DZIP1: variants seen among roughly 807,000 people sequenced by gnomAD.
The protein encoded by DZIP1 is DAZ interacting zinc finger protein 1.
Under a neutral mutation model 107.6 loss-of-function variants are expected in DZIP1, and 97 were observed. The ratio of observed to expected loss-of-function variants is 0.90; its 90% CI spans 0.77 to 1.07. The LOEUF (loss-of-function observed/expected upper bound fraction) is 1.07. Ranked by LOEUF, DZIP1 falls within the 50% of genes least tolerant of loss-of-function variation. The probability of loss-of-function intolerance (pLI) is 0.00; values close to 1 mark genes in which losing one functional copy is unlikely to be tolerated. For synonymous variants in DZIP1, 390 were observed against 386.4 expected (o/e 1.01, Z -0.11); for missense variants, 1,035 against 1,063.6 (o/e 0.97, Z 0.37).
At chr13:95,584,473 T>C in intron 22 of DZIP1, 1 of 607,136 alleles carries the variant, frequency 1.6e-6, no homozygotes, top group Non-Finnish European at 2.1e-6. Flanking sequence ...ATAACACCGT[T>C]TCAAAAACAA....
At chr13:95,592,730 A>C (rs1011458226) in intron 16 of DZIP1, among the ~76,000 whole-genome samples, 1 of 152,260 alleles carries the variant, frequency 6.6e-6, no homozygotes, top group African/African-American at 2.4e-5. Flanking sequence ...ACAAATGTCC[A>C]TCAGCAGGGA....
At chr13:95,609,430 A>T (rs1342795802) in intron 13 of DZIP1, 27 bp downstream of exon 13, 1 of 1,455,234 alleles carries the variant, frequency 6.9e-7, no homozygotes, top group African/African-American at 1.4e-5. Context: ...ATACCTTTGG[A>T]GCCCTGCATC....
intron 10 of DZIP1, among the ~76,000 whole-genome samples, chr13:95,614,036 G>A (rs1436976713): frequency 4.0e-5 from 6 of 151,258 alleles, no homozygotes; most frequent in African/African-American, 1.5e-4. Context: ...TGAGGTGGGA[G>A]GGTTGCTTGA....
chr13:95,582,071 T>C lies in DZIP1; in HGVS notation c.*163A>G. On this transcript the variant is annotated 3_prime_UTR_variant, in exon 23 of 23. Transcript: ENST00000376829. ...CTGTTGATGATCTGATTTTCAATACTGTATTGGGTGCCATTAAAGAGACCA... is the reference window on the plus strand; with the variant it reads ...CTGTTGATGATCTGATTTTCAATACCGTATTGGGTGCCATTAAAGAGACCA... 3.3e-6 allele frequency: 2 copies of C among 608,962 alleles called. No homozygotes were observed. Among genetic ancestry groups the C allele is most frequent in the Non-Finnish European group, 5.8e-6 (2 of 344,230 alleles). 37.7% of individuals were successfully genotyped at this position (608,962 alleles called of 1,614,324 possible).
chr13:95,588,833 C>G (rs145492981), intron 19 of DZIP1, among the ~76,000 whole-genome samples: 8 of 152,224 alleles, frequency 5.3e-5, no homozygotes, highest in African/African-American at 1.9e-4. Flanking sequence ...TGAGCCTAGC[C>G]ATAAAAACTC....
At chr13:95,610,111 T>TGTGTGTGA (rs368276400) in intron 12 of DZIP1, among the ~76,000 whole-genome samples, 1,889 of 126,398 alleles carry the variant, frequency 0.015, 49 homozygotes, top group Middle Eastern at 0.025. Flanking sequence ...TGTGTGTGTG[T>TGTGTGTGA]GAGAGAGAGA....
rs1391946118 is a variant in DZIP1 at position 95,641,388 on chromosome 13, C to T, written c.504G>A (p.Gly168=). ...QSKKLLTKQA[G]EIKTLKEECK... The stretch of plus-strand genomic sequence containing the variant: ...ACTCTTCCTTGAGCGTCTTGATCTC[C>T]CCCGCCTGCTTGGTGAGCAGCTTCT... The change falls in exon 5 of 23, where the codon GGG becomes GGA. Residue 168 remains glycine (G), a synonymous_variant. Transcript: ENST00000376829. This position sits in a 1 kb window ranked among gnomAD's most constrained non-coding sequence, Gnocchi z 4.3. 1 of 1,614,008 alleles carries T rather than the reference C, an allele frequency of 6.2e-7. No individual in the cohort carries two copies. Among genetic ancestry groups the T allele is most frequent in the Non-Finnish European group, 8.5e-7 (1 of 1,180,006 alleles).
intron 6 of DZIP1, 133 bp downstream of exon 6, chr13:95,633,101 A>G (rs1209259693): frequency 7.3e-6 from 6 of 817,358 alleles, no homozygotes; most frequent in South Asian, 1.8e-5. Context: ...AGGGCTCCAT[A>G]TTTACTTACT....
chr13:95,579,136 C>T lies in DZIP1; in HGVS notation c.*3098G>A, dbSNP rs1199827991. ...GGAAAAATTCAAAAAATTGCAACCT[C>T]AGGCATAAATGGGTTAAGGACATCC... On this transcript the variant is annotated 3_prime_UTR_variant, in exon 23 of 23. Transcript: ENST00000376829. The T allele has an allele frequency of 6.6e-6, 1 of 152,206 alleles. No homozygotes were observed. The highest frequency in any genetic ancestry group is 1.9e-4 in the East Asian group (1 of 5,200). The allele number at this position is 152,206 out of a possible 1,614,324, so 9.4% of individuals were successfully genotyped here.
intron 5 of DZIP1, among the ~76,000 whole-genome samples, chr13:95,638,886 C>T (rs2139462123): frequency 6.6e-6 from 1 of 152,128 alleles, no homozygotes; most frequent in East Asian, 1.9e-4. Flanking sequence ...GCGGTGGACC[C>T]AATCATTGTG....
intron 5 of DZIP1, among the ~76,000 whole-genome samples, chr13:95,637,541 C>G (rs1877946923): frequency 2.0e-5 from 3 of 151,794 alleles, no homozygotes; most frequent in Admixed American, 2.0e-4. Context: ...GAGTTTAAGG[C>G]CAGCCTGGGC....
chr13:95,609,212 T>C (rs2044896694), intron 13 of DZIP1, among the ~76,000 whole-genome samples: 1 of 152,212 alleles, frequency 6.6e-6, no homozygotes, highest in Non-Finnish European at 1.5e-5. Flanking sequence ...TTTTTAGTCA[T>C]CCCTTTTTAG....
In DZIP1 at chr13:95,642,056, G is replaced by T. The variant is rs1298459381; in HGVS notation, c.-27C>A. On this transcript the variant is annotated 5_prime_UTR_variant, in exon 4 of 23. It adds an upstream start codon to the 5' untranslated region. Transcript: ENST00000376829. ...GGAGGAGCCGGGCGGTCTTTACCCAGCCTGGGCCGCCTCCCGGGCCGCCGC... is the reference window on the plus strand; with the variant it reads ...GGAGGAGCCGGGCGGTCTTTACCCATCCTGGGCCGCCTCCCGGGCCGCCGC... 6.6e-6 allele frequency: 10 copies of T among 1,521,824 alleles called. No homozygotes were observed. The highest frequency in any genetic ancestry group is 8.7e-6 in the Non-Finnish European group (10 of 1,144,468). 94.3% of individuals were successfully genotyped at this position (1,521,824 alleles called of 1,614,324 possible).
intron 14 of DZIP1, among the ~76,000 whole-genome samples, chr13:95,601,224 C>T (rs964478391): frequency 6.6e-6 from 1 of 152,086 alleles, no homozygotes; most frequent in Non-Finnish European, 1.5e-5. Context: ...ATAACAAGGG[C>T]TGGGGAAGTG....
At chr13:95,607,424 T>C (rs2044817433) in intron 13 of DZIP1, among the ~76,000 whole-genome samples, 1 of 139,532 alleles carries the variant, frequency 7.2e-6, no homozygotes, top group South Asian at 2.3e-4. Flanking sequence ...TATTTGTAAA[T>C]TGCTAACAAA....
intron 6 of DZIP1, chr13:95,630,725 C>T: frequency 7.9e-7 from 1 of 1,268,446 alleles, no homozygotes; most frequent in South Asian, 1.3e-5. Context: ...TGCAGATGTA[C>T]ACATGACTGA....
intron 1 of DZIP1, among the ~76,000 whole-genome samples, chr13:95,644,011 C>A (rs1178871153): frequency 6.6e-6 from 1 of 152,158 alleles, no homozygotes; most frequent in Non-Finnish European, 1.5e-5. Flanking sequence ...CCACCCCTTT[C>A]CCCTTGCGTG....
At chr13:95,620,052 C>G in intron 9 of DZIP1, 105 bp from the exon 10 acceptor site, 1 of 1,260,510 alleles carries the variant, frequency 7.9e-7, no homozygotes, top group Non-Finnish European at 1.1e-6. Flanking sequence ...AACTATCTAT[C>G]TGGTAAAATT....
intron 17 of DZIP1, 127 bp from the exon 18 acceptor site, chr13:95,590,059 C>G: frequency 7.7e-7 from 1 of 1,290,558 alleles, no homozygotes; most frequent in Non-Finnish European, 1.0e-6. Flanking sequence ...GGGTTTAAAG[C>G]CAGACTCTAG....
Sources: allele counts gnomAD v4.1 joint callset (sites outside exome capture counted in the v4.1 genomes callset), GRCh38; gene constraint gnomAD v4.1.1; non-coding constraint Gnocchi (gnomAD v3.1); transcripts MANE v1.5; gene names NCBI Gene and HGNC (gene_info 2026-07-23, HGNC 2026-07-21).